VAV3: variants seen among roughly 807,000 people sequenced by gnomAD.
VAV3 encodes the protein guanine nucleotide exchange factor VAV3.
In VAV3, 94 loss-of-function variants were observed where a neutral mutation model predicts 131.2. The ratio of observed to expected loss-of-function variants is 0.72; its 90% CI spans 0.61 to 0.85. The LOEUF is 0.85. Ranked by LOEUF, VAV3 falls within the 40% of genes least tolerant of loss-of-function variation. The probability of loss-of-function intolerance (pLI) is 0.00; values close to 1 mark genes in which losing one functional copy is unlikely to be tolerated. For synonymous variants in VAV3, 349 were observed against 342.0 expected (o/e 1.02, Z -0.22); for missense variants, 939 against 1,002.7 (o/e 0.94, Z 0.86).
chr1:107,638,945 G>A (rs1557724306), intron 20 of VAV3, among the ~76,000 whole-genome samples: 1 of 150,668 alleles, frequency 6.6e-6, no homozygotes, highest in African/African-American at 2.4e-5. Flanking sequence ...CACACACACG[G>A]CATATATACA....
chr1:107,849,685 C>T (rs1193760895), intron 2 of VAV3, among the ~76,000 whole-genome samples: 1 of 152,162 alleles, frequency 6.6e-6, no homozygotes, highest in Non-Finnish European at 1.5e-5. Flanking sequence ...ATGACTATAA[C>T]ACCAAAAGCA....
intron 2 of VAV3, among the ~76,000 whole-genome samples, chr1:107,848,253 C>T (rs1461436158): frequency 2.7e-5 from 4 of 147,030 alleles, no homozygotes; most frequent in African/African-American, 2.5e-5. Context: ...GCGGAGCTTG[C>T]AGTGAGCCAA....
Position 107,898,798 on chromosome 1 carries a change from C to A in VAV3, c.205-23781G>T, listed in dbSNP as rs1033265729. On this transcript the variant is annotated intron_variant, in intron 1 of 26. Transcript: ENST00000370056. ...CAACAGATTATATACTATACATGAA[C>A]ATAAAAAACAAAACATCTTTTAAAC... Among the ~76,000 whole-genome samples, 11 of 152,072 alleles carry A rather than the reference C, an allele frequency of 7.2e-5. No individual in the cohort carries two copies. In the East Asian group the frequency reaches 1.9e-3, roughly 27 times the overall value.
In VAV3 at chr1:107,704,922, G is replaced by A. The variant is rs755186417; in HGVS notation, c.1604+38C>T. On this transcript the variant is annotated intron_variant, in intron 16 of 26. Coordinates refer to ENST00000370056, the MANE Select transcript of VAV3 (RefSeq NM_006113.5). ...TCTGAAACACTTAGCAATTATATCA[G>A]TTCCTTTAAACTGAAAACCAGGACT... 1.9e-6 allele frequency: 3 copies of A among 1,572,498 alleles called. No homozygotes were observed. In the Admixed American group the frequency reaches 5.0e-5, roughly 26 times the overall value.
intron 2 of VAV3, among the ~76,000 whole-genome samples, chr1:107,811,244 A>G (rs1005449448): frequency 4.6e-5 from 7 of 152,186 alleles, no homozygotes; most frequent in Non-Finnish European, 1.0e-4. Flanking sequence ...AGAGAGGATC[A>G]CCTCAAGTGA....
At chr1:107,578,903 G>C (rs1374164309) in intron 25 of VAV3, 1 of 984,908 alleles carries the variant, frequency 1.0e-6, no homozygotes, top group Non-Finnish European at 1.2e-6. Context: ...AGAGAGAAAT[G>C]ATAAGCCAGT....
At chr1:107,952,408 A>T (rs1186653300) in intron 1 of VAV3, among the ~76,000 whole-genome samples, 1 of 149,356 alleles carries the variant, frequency 6.7e-6, no homozygotes, top group Non-Finnish European at 1.5e-5. Flanking sequence ...ATAAACCCCC[A>T]TGACACACGT....
chr1:107,641,828 G>A (rs1173414954), intron 20 of VAV3, among the ~76,000 whole-genome samples: 1 of 152,094 alleles, frequency 6.6e-6, no homozygotes, highest in Non-Finnish European at 1.5e-5. Flanking sequence ...CTCTGGTAAA[G>A]TAGGAATTTT....
At chr1:107,775,176 G>C (rs1335452874) in intron 4 of VAV3, among the ~76,000 whole-genome samples, 1 of 151,830 alleles carries the variant, frequency 6.6e-6, no homozygotes, top group Non-Finnish European at 1.5e-5. Flanking sequence ...AGCTAGGAAT[G>C]CATCCTCACT....
chr1:107,755,290 C>T (rs1664034208), intron 12 of VAV3, 137 bp downstream of exon 12: 5 of 663,046 alleles, frequency 7.5e-6, no homozygotes, highest in Non-Finnish European at 5.2e-6. Context: ...CCCACATGAA[C>T]ACTGCCAAAC....
chr1:107,805,910 G>C (rs969461103), intron 2 of VAV3, among the ~76,000 whole-genome samples: 1 of 152,114 alleles, frequency 6.6e-6, no homozygotes, highest in Admixed American at 6.6e-5. Flanking sequence ...CAAACAATTA[G>C]TGTGCTACTA....
At chr1:107,641,988 A>G (rs948214130) in intron 20 of VAV3, among the ~76,000 whole-genome samples, 33 of 152,330 alleles carry the variant, frequency 2.2e-4, no homozygotes, top group African/African-American at 7.7e-4. Flanking sequence ...AGCTGAAAGC[A>G]TGCAGTTTCT....
chr1:107,748,669 A>G (rs1379649568), intron 15 of VAV3, among the ~76,000 whole-genome samples: 1 of 152,232 alleles, frequency 6.6e-6, no homozygotes, highest in Non-Finnish European at 1.5e-5. Context: ...AGAATAATTA[A>G]TATTTTCTTG....
chr1:107,574,825 A>T (rs977104388), intron 25 of VAV3, among the ~76,000 whole-genome samples: 1 of 152,230 alleles, frequency 6.6e-6, no homozygotes, highest in Admixed American at 6.5e-5. Context: ...ATCAGGTCTC[A>T]GAGAAGGAAC....
intron 1 of VAV3, among the ~76,000 whole-genome samples, chr1:107,952,770 T>C (rs1055274524): frequency 6.6e-6 from 1 of 151,976 alleles, no homozygotes; most frequent in Non-Finnish European, 1.5e-5. Context: ...TGAGTTTCAT[T>C]CACATTTGAA....
At chr1:107,609,825 G>A (rs1046004427) in intron 22 of VAV3, 106 bp downstream of exon 22, 36 of 1,171,034 alleles carry the variant, frequency 3.1e-5, no homozygotes, top group East Asian at 3.1e-4. Context: ...ACCTTTAGCC[G>A]AGACAAATGG....
At chr1:107,575,193 T>G (rs1033889301) in intron 25 of VAV3, among the ~76,000 whole-genome samples, 12 of 152,176 alleles carry the variant, frequency 7.9e-5, no homozygotes, top group African/African-American at 2.7e-4. Context: ...GGTTATAAAG[T>G]GTTTTCAATT....
At chr1:107,892,695 A>G (rs1296613461) in intron 1 of VAV3, among the ~76,000 whole-genome samples, 1 of 152,204 alleles carries the variant, frequency 6.6e-6, no homozygotes, top group East Asian at 1.9e-4. Flanking sequence ...TATATTCACT[A>G]AAAATTATAG....
chr1:107,575,901 C>T (rs993912001), intron 25 of VAV3, among the ~76,000 whole-genome samples: 2 of 152,088 alleles, frequency 1.3e-5, no homozygotes, highest in Non-Finnish European at 2.9e-5. Flanking sequence ...GAAATCAAGA[C>T]CAAAATGCCC....
Sources: gnomAD v4.1 joint callset for allele counts (sites outside exome capture counted in the v4.1 genomes callset) on GRCh38, gnomAD v4.1.1 for gene constraint, MANE v1.5 for transcripts, NCBI Gene and HGNC (gene_info 2026-07-23, HGNC 2026-07-21) for gene names.